DENND1A: variants seen among roughly 807,000 people sequenced by gnomAD.
DENND1A encodes the protein DENN domain containing 1A.
DENND1A carries 51 observed loss-of-function variants against 113.7 expected under a neutral mutation model. The observed-to-expected ratio is 0.45, with a 90% CI of 0.36 to 0.57. The LOEUF is 0.57. Among genes scored for constraint, DENND1A ranks in the 20% least tolerant of loss-of-function variants. The pLI is 0.00. For synonymous variants in DENND1A, 565 were observed against 570.8 expected, an observed-to-expected ratio of 0.99 and a Z score of 0.14; for missense variants, 1,258 against 1,395.9, an observed-to-expected ratio of 0.90 and a Z score of 1.57.
At chr9:123,428,721 A>G (rs1471405531) in intron 19 of DENND1A, among the ~76,000 whole-genome samples, 1 of 152,270 alleles carries the variant, frequency 6.6e-6, no homozygotes, top group Non-Finnish European at 1.5e-5. Flanking sequence ...ATACAAAATC[A>G]ATGTGCAAAA....
intron 1 of DENND1A, among the ~76,000 whole-genome samples, chr9:123,924,684 A>C (rs902117202): frequency 1.3e-5 from 2 of 152,080 alleles, no homozygotes; most frequent in African/African-American, 2.4e-5. Flanking sequence ...TAGTATGTGA[A>C]TCTTATGTTG....
At position 123,516,403 on chromosome 9, in the gene DENND1A, G is replaced by C. The variant is rs1442899641; in HGVS notation, c.993+41167C>G. On this transcript the variant is annotated intron_variant, in intron 13 of 23. Transcript: ENST00000394215. ...AAGACAACACTGAGAGCCCAGTAGA[G>C]AAGTGTCAGGTTCATAATGAAAAAA... 3.9e-5 allele frequency among the ~76,000 whole-genome samples: 6 copies of C among 152,242 alleles called. 1 individual carries two copies. The highest frequency in any genetic ancestry group is 4.1e-4 in the South Asian group (2 of 4,824).
At chr9:123,861,253 A>G (rs1228546270) in intron 2 of DENND1A, among the ~76,000 whole-genome samples, 1 of 152,124 alleles carries the variant, frequency 6.6e-6, no homozygotes, top group Non-Finnish European at 1.5e-5. Flanking sequence ...TCAAGTTTCA[A>G]TTTGGCAGTT....
chr9:123,698,553 G>C (rs1453083658), intron 5 of DENND1A, among the ~76,000 whole-genome samples: 2 of 152,162 alleles, frequency 1.3e-5, no homozygotes, highest in African/African-American at 4.8e-5. Flanking sequence ...TAAGTCACTG[G>C]ACCAACATTA....
intron 12 of DENND1A, among the ~76,000 whole-genome samples, chr9:123,572,467 G>A (rs112008045): frequency 3.9e-5 from 6 of 152,244 alleles, no homozygotes; most frequent in African/African-American, 1.4e-4. Context: ...GTAAACATAT[G>A]TTTAAAATAT....
chr9:123,801,240 C>T (rs184620890), intron 2 of DENND1A, among the ~76,000 whole-genome samples: 3 of 152,336 alleles, frequency 2.0e-5, no homozygotes, highest in African/African-American at 7.2e-5. Context: ...TGTTGTGCCA[C>T]AATCACCACT....
intron 19 of DENND1A, among the ~76,000 whole-genome samples, chr9:123,425,026 C>T (rs567300338): frequency 5.3e-5 from 8 of 152,360 alleles, no homozygotes; most frequent in Non-Finnish European, 1.0e-4. Flanking sequence ...GTGCGACAAG[C>T]AGCCTCTGGC....
At chr9:123,843,680 C>A (rs992136471) in intron 2 of DENND1A, 2 of 159,274 alleles carry the variant, frequency 1.3e-5, no homozygotes, top group African/African-American at 4.8e-5. Context: ...TATACAAGAA[C>A]AATTAATTGG....
intron 13 of DENND1A, among the ~76,000 whole-genome samples, chr9:123,537,725 T>C (rs1051826708): frequency 2.1e-5 from 3 of 145,420 alleles, no homozygotes; most frequent in Admixed American, 1.4e-4. Flanking sequence ...TCATTAACTT[T>C]GACAGCAACA....
chr9:123,728,062 C>G (rs1376513432), intron 5 of DENND1A, among the ~76,000 whole-genome samples: 1 of 150,358 alleles, frequency 6.7e-6, no homozygotes, highest in Non-Finnish European at 1.5e-5. Flanking sequence ...GCCAAGATCG[C>G]ACCACTGCAC....
At chr9:123,663,661 G>C (rs918922124) in intron 8 of DENND1A, among the ~76,000 whole-genome samples, 1 of 151,856 alleles carries the variant, frequency 6.6e-6, no homozygotes, top group Non-Finnish European at 1.5e-5. Context: ...GGGGTTGGAG[G>C]GGGTGGTGGT....
chr9:123,651,866 AAAAATGAACAATT>A, intron 9 of DENND1A, 134 bp downstream of exon 9: 1 of 610,650 alleles, frequency 1.6e-6, no homozygotes, highest in East Asian at 2.9e-5. Flanking sequence ...GTAAAAAAAA[AAAAATGAACAATT>A]AATGAAAATG....
chr9:123,850,180 C>T (rs984471153), intron 2 of DENND1A, among the ~76,000 whole-genome samples: 1 of 152,204 alleles, frequency 6.6e-6, no homozygotes, highest in African/African-American at 2.4e-5. Context: ...AAGAGCATCA[C>T]ATCCTACAGA....
intron 4 of DENND1A, among the ~76,000 whole-genome samples, chr9:123,767,499 C>T (rs1215344075): frequency 6.6e-6 from 1 of 152,074 alleles, no homozygotes; most frequent in East Asian, 1.9e-4. Context: ...AACAAAAAGG[C>T]ATCAGATATT....
intron 1 of DENND1A, among the ~76,000 whole-genome samples, chr9:123,912,433 A>C (rs1854176694): frequency 6.6e-6 from 1 of 152,204 alleles, no homozygotes; most frequent in Non-Finnish European, 1.5e-5. Context: ...AAAATGCTCA[A>C]ACAAAAGCCA....
intron 21 of DENND1A, among the ~76,000 whole-genome samples, chr9:123,398,741 G>A (rs1359827330): frequency 1.3e-5 from 2 of 151,088 alleles, no homozygotes; most frequent in Non-Finnish European, 2.9e-5. Context: ...AGACCAAAAG[G>A]AAGATAACTT....
chr9:123,676,750 G>A lies in DENND1A; in HGVS notation c.342C>T (p.Asn114=), dbSNP rs116043704. 1.5e-4 allele frequency: 240 copies of A among 1,614,040 alleles called. 1 individual carries two copies. In the East Asian group the frequency reaches 4.3e-3, roughly 29 times the overall value. The part of the protein sequence containing the change: ...PWFEVFYKLL[N]ILADYTTKRQ... ...TTTTTGTCGTGTAATCTGCCAGGAT[G>A]TTAAGCAGCTTATAAAATACCTCGA... The change falls in exon 6 of 24, where the codon AAC becomes AAT. Residue 114 remains asparagine (N), a synonymous_variant. Coordinates refer to ENST00000394215, the MANE Select transcript of DENND1A (RefSeq NM_001352964.2).
intron 13 of DENND1A, among the ~76,000 whole-genome samples, chr9:123,540,552 G>A (rs1173606179): frequency 1.3e-5 from 2 of 152,130 alleles, no homozygotes; most frequent in Admixed American, 6.5e-5. Context: ...TTTGGAAGAA[G>A]AGAAAAAAGA....
At chr9:123,847,950 A>G (rs900646586) in intron 2 of DENND1A, among the ~76,000 whole-genome samples, 1 of 152,182 alleles carries the variant, frequency 6.6e-6, no homozygotes, top group Non-Finnish European at 1.5e-5. Flanking sequence ...ATAAAAAACA[A>G]AGAACAAAGA....
Sources: allele counts gnomAD v4.1 joint callset (sites outside exome capture counted in the v4.1 genomes callset), GRCh38; gene constraint gnomAD v4.1.1; transcripts MANE v1.5; gene names NCBI Gene and HGNC (gene_info 2026-07-23, HGNC 2026-07-21).